The following PRKAR2B variants were observed in gnomAD, a reference collection of about 807,000 sequenced individuals.
PRKAR2B encodes the protein protein kinase cAMP-dependent type II regulatory subunit beta, also known as cAMP-dependent protein kinase type II-beta regulatory subunit.
In PRKAR2B, 14 loss-of-function variants were observed where a neutral mutation model predicts 49.9. The ratio of observed to expected loss-of-function variants is 0.28; its 90% CI spans 0.19 to 0.44. PRKAR2B has a LOEUF of 0.44. PRKAR2B is among the 20% of genes least tolerant of loss of function. The pLI is 1.00. For missense variants in PRKAR2B, 393 were observed against 537.9 expected (o/e 0.73, Z 2.67); for synonymous variants, 196 against 197.7 (o/e 0.99, Z 0.07).
chr7:107,047,358 A>T (rs920424374), intron 1 of PRKAR2B, among the ~76,000 whole-genome samples: 8 of 152,146 alleles, frequency 5.3e-5, no homozygotes, highest in Non-Finnish European at 1.2e-4. Flanking sequence ...CTACAAAGTG[A>T]TTGGCAAGGT....
chr7:107,070,812 A>G (rs1794250312), intron 2 of PRKAR2B, among the ~76,000 whole-genome samples: 1 of 152,168 alleles, frequency 6.6e-6, no homozygotes. Context: ...AGGTATAAGA[A>G]CTTGTCATTA....
At chr7:107,156,924 C>T (rs1404051558) in intron 8 of PRKAR2B, 60 bp from the exon 9 acceptor site, 12 of 1,422,416 alleles carry the variant, frequency 8.4e-6, no homozygotes, top group African/African-American at 1.4e-5. Context: ...TGAAAGGTAA[C>T]AAGATTGTTG....
intron 4 of PRKAR2B, among the ~76,000 whole-genome samples, chr7:107,136,827 G>T (rs950073612): frequency 2.0e-5 from 3 of 152,190 alleles, no homozygotes; most frequent in African/African-American, 4.8e-5. Flanking sequence ...CAAAGGAGTT[G>T]AAAACTTAGG....
chr7:107,099,496 G>T (rs1393584709), intron 2 of PRKAR2B, among the ~76,000 whole-genome samples: 1 of 151,972 alleles, frequency 6.6e-6, no homozygotes, highest in Non-Finnish European at 1.5e-5. Flanking sequence ...CTGCACCGTG[G>T]GCCGCACCCA....
At chr7:107,146,869 G>C (rs1446116249) in intron 6 of PRKAR2B, among the ~76,000 whole-genome samples, 2 of 152,160 alleles carry the variant, frequency 1.3e-5, no homozygotes, top group Non-Finnish European at 2.9e-5. Context: ...TGTATCACTT[G>C]GGAACTTTTT....
At chr7:107,066,301 G>GGGGGGGTGTGTGT (rs147673007) in intron 1 of PRKAR2B, among the ~76,000 whole-genome samples, 7 of 145,512 alleles carry the variant, frequency 4.8e-5, no homozygotes, top group African/African-American at 1.8e-4. Context: ...CTCTATGTGG[G>GGGGGGGTGTGTGT]GTGTGTGTGT....
chr7:107,098,713 G>C (rs1003530185), intron 2 of PRKAR2B, among the ~76,000 whole-genome samples: 7 of 152,154 alleles, frequency 4.6e-5, no homozygotes, highest in African/African-American at 1.7e-4. Flanking sequence ...TGTCCTTTCT[G>C]TTTGTTAGTT....
intron 2 of PRKAR2B, among the ~76,000 whole-genome samples, chr7:107,097,453 T>A (rs967958695): frequency 1.3e-5 from 2 of 152,188 alleles, no homozygotes; most frequent in Non-Finnish European, 2.9e-5. Context: ...GAATCTTGAC[T>A]CTTTATCCAC....
intron 8 of PRKAR2B, among the ~76,000 whole-genome samples, chr7:107,155,305 C>T (rs1451671889): frequency 6.6e-6 from 1 of 152,168 alleles, no homozygotes; most frequent in Non-Finnish European, 1.5e-5. Flanking sequence ...GTAATCCCAG[C>T]ACTTTGGGAG....
intron 4 of PRKAR2B, among the ~76,000 whole-genome samples, chr7:107,138,258 A>G (rs1306059045): frequency 1.3e-5 from 2 of 152,228 alleles, no homozygotes; most frequent in Non-Finnish European, 2.9e-5. Flanking sequence ...TAATAATGTC[A>G]GTATAGATTC....
At chr7:107,121,383 T>C (rs1795384917) in intron 2 of PRKAR2B, among the ~76,000 whole-genome samples, 3 of 152,188 alleles carry the variant, frequency 2.0e-5, no homozygotes, top group Non-Finnish European at 4.4e-5. Context: ...TGATAATCTT[T>C]ACACAGTGTT....
At chr7:107,124,817 T>C (rs982398616) in intron 3 of PRKAR2B, among the ~76,000 whole-genome samples, 2 of 152,196 alleles carry the variant, frequency 1.3e-5, no homozygotes, top group African/African-American at 4.8e-5. Context: ...AGCAGAAATT[T>C]AGAGCAGAAG....
chr7:107,075,572 G>T (rs551755741), intron 2 of PRKAR2B, among the ~76,000 whole-genome samples: 1 of 151,766 alleles, frequency 6.6e-6, no homozygotes, highest in African/African-American at 2.4e-5. Context: ...GCTAATTTTT[G>T]TATGTTTTAT....
intron 4 of PRKAR2B, among the ~76,000 whole-genome samples, chr7:107,134,715 A>G (rs1179087032): frequency 6.6e-6 from 1 of 152,204 alleles, no homozygotes; most frequent in Admixed American, 6.5e-5. Flanking sequence ...TTTTCCCACA[A>G]GAGTGTTAAG....
chr7:107,098,472 G>C (rs1248171513), intron 2 of PRKAR2B, among the ~76,000 whole-genome samples: 3 of 152,102 alleles, frequency 2.0e-5, no homozygotes, highest in African/African-American at 7.2e-5. Flanking sequence ...CTTTAGCTTG[G>C]AGAAGTTTGT....
At chr7:107,127,003 T>C (rs1795508204) in intron 3 of PRKAR2B, among the ~76,000 whole-genome samples, 1 of 152,224 alleles carries the variant, frequency 6.6e-6, no homozygotes, top group Non-Finnish European at 1.5e-5. Flanking sequence ...AAATAAATGG[T>C]ATATATATCA....
intron 5 of PRKAR2B, among the ~76,000 whole-genome samples, chr7:107,142,515 A>G (rs1010533929): frequency 2.6e-5 from 4 of 152,194 alleles, no homozygotes; most frequent in Non-Finnish European, 2.9e-5. Flanking sequence ...TTTGACTTTC[A>G]AAACTGCCTT....
chr7:107,073,404 G>T (rs977173415), intron 2 of PRKAR2B, among the ~76,000 whole-genome samples: 3 of 152,276 alleles, frequency 2.0e-5, no homozygotes, highest in Admixed American at 2.0e-4. Flanking sequence ...TTTTCAAACA[G>T]AATTCCTAGC....
At chr7:107,092,831 T>TC (rs1794756052) in intron 2 of PRKAR2B, among the ~76,000 whole-genome samples, 1 of 152,132 alleles carries the variant, frequency 6.6e-6, no homozygotes, top group Non-Finnish European at 1.5e-5. Flanking sequence ...CAGAACTGTT[T>TC]AATCTTCACA....
Sources: allele counts gnomAD v4.1 joint callset (sites outside exome capture counted in the v4.1 genomes callset), GRCh38; gene constraint gnomAD v4.1.1; transcripts MANE v1.5; gene names NCBI Gene and HGNC (gene_info 2026-07-23, HGNC 2026-07-21).